Variants in CADM2 observed in about 807,000 individuals in gnomAD.
The protein encoded by CADM2 is cell adhesion molecule 2, also known as immunoglobulin superfamily member 4D.
In CADM2, 12 loss-of-function variants were observed where a neutral mutation model predicts 49.8. The ratio of observed to expected loss-of-function variants is 0.24; its 90% CI spans 0.15 to 0.39. CADM2 has a LOEUF of 0.39. CADM2 is among the 10% of genes least tolerant of loss of function. CADM2 has a pLI of 1.00. For synonymous variants in CADM2, 214 were observed against 175.4 expected (o/e 1.22, Z -1.74); for missense variants, 378 against 492.3 (o/e 0.77, Z 2.20).
intron 1 of CADM2, among the ~76,000 whole-genome samples, chr3:85,196,218 T>C (rs1014133888): frequency 6.6e-6 from 1 of 152,064 alleles, no homozygotes; most frequent in African/African-American, 2.4e-5. Flanking sequence ...AAACATGTTA[T>C]TATTAATCAT....
chr3:85,138,298 G>A (rs2039477931), intron 1 of CADM2, among the ~76,000 whole-genome samples: 1 of 152,130 alleles, frequency 6.6e-6, no homozygotes, highest in African/African-American at 2.4e-5. Flanking sequence ...TCAAGAATGG[G>A]AAAGGTGCTG....
intron 1 of CADM2, among the ~76,000 whole-genome samples, chr3:85,578,787 G>C (rs1052748124): frequency 1.3e-5 from 2 of 152,226 alleles, no homozygotes; most frequent in East Asian, 3.9e-4. Flanking sequence ...TAACATTAGT[G>C]GTGATTAGTT....
At chr3:85,457,692 G>A (rs2038056474) in intron 1 of CADM2, among the ~76,000 whole-genome samples, 1 of 152,054 alleles carries the variant, frequency 6.6e-6, no homozygotes, top group Non-Finnish European at 1.5e-5. Context: ...TATAAATATT[G>A]TAAGTTGAAG....
intron 1 of CADM2, among the ~76,000 whole-genome samples, chr3:85,097,965 G>A (rs1488972245): frequency 1.3e-5 from 2 of 152,112 alleles, no homozygotes; most frequent in East Asian, 1.9e-4. Context: ...CCTGAGGATT[G>A]TGGAATAAAC....
intron 5 of CADM2, among the ~76,000 whole-genome samples, chr3:85,907,740 G>A (rs999886155): frequency 2.6e-5 from 4 of 152,084 alleles, no homozygotes; most frequent in Admixed American, 6.6e-5. Flanking sequence ...GCGAAACTCC[G>A]TCTCTACAAA....
rs1320170254 is a variant in CADM2, at chr3:86,072,918, C to A, written c.*6135C>A. The A allele has an allele frequency of 2.0e-5, 3 of 151,986 alleles. No individual in the cohort carries two copies. Among genetic ancestry groups the A allele is most frequent in the Admixed American group, 6.6e-5 (1 of 15,234 alleles). 9.4% of individuals were successfully genotyped at this position (151,986 alleles called of 1,614,324 possible). A position where few individuals can be genotyped will look rare whatever the true frequency, so the allele number is the denominator to read the frequency against. ...AGTACTCTTTCTCCTTATAAATGTACACAATTTTAATCTTTTTACAAATTT... is the reference window on the plus strand; with the variant it reads ...AGTACTCTTTCTCCTTATAAATGTAAACAATTTTAATCTTTTTACAAATTT... On this transcript the variant is annotated 3_prime_UTR_variant, in exon 10 of 10. Coordinates refer to ENST00000383699, the MANE Select transcript of CADM2 (RefSeq NM_001167675.2).
At chr3:85,171,826 C>T (rs576568880) in intron 1 of CADM2, among the ~76,000 whole-genome samples, 23 of 152,072 alleles carry the variant, frequency 1.5e-4, no homozygotes, top group Non-Finnish European at 2.9e-4. Context: ...CATAGGGAAA[C>T]CTCATGGTGT....
In CADM2 at chr3:85,180,007, T is replaced by TTTCC. The variant is rs1170386437; in HGVS notation, c.61+220339_61+220340insTTCC. Among the ~76,000 whole-genome samples, 6 of 152,146 alleles carry TTTCC rather than the reference T, an allele frequency of 3.9e-5. No homozygotes were observed. In the East Asian group the frequency reaches 1.2e-3, roughly 29 times the overall value. The stretch of plus-strand genomic sequence containing the variant: ...TGGGGATACAGCAGTCTATAAAATA[T>TTTCC]AGGCCTGGAAATATAGACAAGTACA... On this transcript the variant is annotated intron_variant, in intron 1 of 9. Transcript: ENST00000383699.
At chr3:85,423,505 T>A (rs2036267368) in intron 1 of CADM2, among the ~76,000 whole-genome samples, 1 of 152,094 alleles carries the variant, frequency 6.6e-6, no homozygotes, top group South Asian at 2.1e-4. Flanking sequence ...AATATAATAA[T>A]CATGATTGGC....
intron 1 of CADM2, among the ~76,000 whole-genome samples, chr3:85,537,350 A>T (rs1576749032): frequency 6.6e-6 from 1 of 152,094 alleles, no homozygotes; most frequent in Non-Finnish European, 1.5e-5. Context: ...TTAAAAAATT[A>T]GCCCCAGAAC....
intron 1 of CADM2, among the ~76,000 whole-genome samples, chr3:85,269,650 T>C (rs888037577): frequency 2.6e-5 from 4 of 151,432 alleles, no homozygotes; most frequent in Admixed American, 6.6e-5. Context: ...ATCATTCTAC[T>C]CCTACTCCAG....
At chr3:86,054,994 G>C (rs534731506) in intron 8 of CADM2, among the ~76,000 whole-genome samples, 6 of 152,076 alleles carry the variant, frequency 3.9e-5, no homozygotes, top group Admixed American at 3.9e-4. Flanking sequence ...AGGCAGAACA[G>C]CTCCAAGAGA....
chr3:85,378,444 G>A (rs2033716404), intron 1 of CADM2, among the ~76,000 whole-genome samples: 1 of 151,932 alleles, frequency 6.6e-6, no homozygotes, highest in South Asian at 2.1e-4. Context: ...AACTATTTCA[G>A]CACTCTACGT....
chr3:85,152,350 A>G (rs909218170), intron 1 of CADM2, among the ~76,000 whole-genome samples: 12 of 152,120 alleles, frequency 7.9e-5, no homozygotes, highest in African/African-American at 2.9e-4. Flanking sequence ...TGTGGCCAAA[A>G]GAGACTGTAG....
At chr3:85,322,034 A>G (rs149229612) in intron 1 of CADM2, among the ~76,000 whole-genome samples, 4 of 152,310 alleles carry the variant, frequency 2.6e-5, no homozygotes, top group Non-Finnish European at 5.9e-5. Flanking sequence ...AACACCAAAC[A>G]TTTTGTAACA....
chr3:85,732,404 G>A (rs1353697876), intron 2 of CADM2, among the ~76,000 whole-genome samples: 1 of 152,042 alleles, frequency 6.6e-6, no homozygotes, highest in African/African-American at 2.4e-5. Context: ...ATGTGTCAGG[G>A]GCGTTAGACA....
chr3:85,636,624 T>A (rs2107536913), intron 1 of CADM2, among the ~76,000 whole-genome samples: 1 of 152,296 alleles, frequency 6.6e-6, no homozygotes, highest in South Asian at 2.1e-4. Context: ...CACTCACCAC[T>A]TACTCACTAT....
intron 1 of CADM2, among the ~76,000 whole-genome samples, chr3:85,179,163 GT>G (rs2040861303): frequency 6.6e-6 from 1 of 151,906 alleles, no homozygotes; most frequent in African/African-American, 2.4e-5. Flanking sequence ...GTGTTTGAAT[GT>G]TTACCTGTGT....
intron 1 of CADM2, among the ~76,000 whole-genome samples, chr3:85,208,542 ATAAT>A (rs1462942623): frequency 6.6e-6 from 1 of 152,154 alleles, no homozygotes; most frequent in Non-Finnish European, 1.5e-5. Flanking sequence ...GTATACATAA[ATAAT>A]TAATTTGTGA....
Sources: allele counts gnomAD v4.1 joint callset (sites outside exome capture counted in the v4.1 genomes callset), GRCh38; gene constraint gnomAD v4.1.1; transcripts MANE v1.5; gene names NCBI Gene and HGNC (gene_info 2026-07-23, HGNC 2026-07-21).